The following EMID1 variants were observed in gnomAD, a reference collection of about 807,000 sequenced individuals.
EMID1 encodes the protein EMI domain-containing protein 1.
A neutral mutation model predicts 60.6 loss-of-function variants in EMID1; 40 were observed. The ratio of observed to expected loss-of-function variants is 0.66; its 90% CI spans 0.51 to 0.86. The LOEUF is 0.86. EMID1 is among the 40% of genes least tolerant of loss of function. The probability of loss-of-function intolerance (pLI) is 0.00; values close to 1 mark genes in which losing one functional copy is unlikely to be tolerated. For synonymous variants in EMID1, 242 were observed against 231.0 expected (o/e 1.05, Z -0.43); for missense variants, 585 against 597.1 (o/e 0.98, Z 0.21).
intron 12 of EMID1, among the ~76,000 whole-genome samples, chr22:29,236,263 G>C (rs180732546): frequency 6.6e-6 from 1 of 152,272 alleles, no homozygotes; most frequent in East Asian, 1.9e-4. Context: ...GGACGTGGTA[G>C]TGTGCACCTG....
At chr22:29,243,384 T>C in intron 12 of EMID1, 61 bp from the exon 13 acceptor site, 1 of 1,553,596 alleles carries the variant, frequency 6.4e-7, no homozygotes, top group Middle Eastern at 1.7e-4. Context: ...CCCTCTTTTT[T>C]TCCCGTCCCT....
intron 13 of EMID1, among the ~76,000 whole-genome samples, chr22:29,250,769 A>G (rs1356476603): frequency 2.8e-5 from 1 of 36,104 alleles, no homozygotes; most frequent in Non-Finnish European, 6.1e-5. Context: ...TTTTTTTTTT[A>G]GTAGTAGTAG....
intron 9 of EMID1, 56 bp from the exon 10 acceptor site, chr22:29,233,558 G>A (rs2040832482): frequency 3.1e-6 from 5 of 1,604,648 alleles, no homozygotes; most frequent in Non-Finnish European, 3.4e-6. Flanking sequence ...AGCTGATGGG[G>A]CACTTCCTGA....
intron 12 of EMID1, among the ~76,000 whole-genome samples, chr22:29,235,397 T>G (rs1196385986): frequency 6.6e-6 from 1 of 151,928 alleles, no homozygotes; most frequent in East Asian, 1.9e-4. Flanking sequence ...GTCTTGCTGT[T>G]TAAAAACAGT....
At position 29,232,351 on chromosome 22, in the gene EMID1, C is replaced by G; in HGVS notation, c.772C>G (p.Pro258Ala). 1 of 1,606,154 alleles carries G rather than the reference C, an allele frequency of 6.2e-7. No individual in the cohort carries two copies. The highest frequency in any genetic ancestry group is 8.5e-7 in the Non-Finnish European group (1 of 1,176,962). ...TGGGCCACCAGGGCCTCCTGGCCCCCCTGGGCCCCCAGCCCCTGTTGGGCC... is the reference window on the plus strand; with the variant it reads ...TGGGCCACCAGGGCCTCCTGGCCCCGCTGGGCCCCCAGCCCCTGTTGGGCC... ...PPGPPGPPGP[P>A]GPPAPVGPPH... Residue 258 changes from proline (P) to alanine (A), a missense_variant, in exon 8 of 15, where the codon CCT (proline) becomes GCT (alanine). Pro to Ala is a conservative substitution (Grantham distance 27). Coordinates refer to ENST00000334018, the MANE Select transcript of EMID1 (RefSeq NM_133455.4).
At chr22:29,239,930 A>G (rs2041095193) in intron 12 of EMID1, among the ~76,000 whole-genome samples, 1 of 115,926 alleles carries the variant, frequency 8.6e-6, no homozygotes, top group African/African-American at 3.6e-5. Flanking sequence ...CAGCTAATCA[A>G]CCTCCCAAGC....
rs764864765 is a variant in EMID1, at chr22:29,258,849, G to A, written c.1237G>A (p.Gly413Ser). The change falls in exon 15 of 15, where the codon GGC becomes AGC. Residue 413 changes from glycine (G) to serine (S), a missense_variant. Physicochemically the swap from Gly to Ser is moderately conservative, Grantham distance 56. Transcript: ENST00000334018. ...GCTGGGGTCTGGGGCGGGCCCTGCC[G>A]GCACAGGCACCCCCAGCCTCCTTCG... is the stretch of plus-strand genomic sequence containing the variant. ...PELGSGAGPA[G>S]TGTPSLLRGK... 19 of 1,612,934 alleles carry A rather than the reference G, an allele frequency of 1.2e-5. No homozygotes were observed. Among genetic ancestry groups the A allele is most frequent in the Admixed American group, 1.0e-4 (6 of 59,972 alleles).
intron 14 of EMID1, 85 bp downstream of exon 14, chr22:29,254,372 A>G: frequency 1.5e-6 from 2 of 1,340,440 alleles, no homozygotes; most frequent in Non-Finnish European, 2.1e-6. Flanking sequence ...AACTGGCCTG[A>G]GCCCAGTCAT....
intron 5 of EMID1, among the ~76,000 whole-genome samples, chr22:29,227,203 A>C (rs1229113192): frequency 1.3e-5 from 2 of 152,148 alleles, no homozygotes; most frequent in Non-Finnish European, 2.9e-5. Flanking sequence ...TGATCCTCCC[A>C]CCTCAGCCTC....
At chr22:29,230,910 G>A in intron 5 of EMID1, 110 bp from the exon 6 acceptor site, 1 of 1,428,612 alleles carries the variant, frequency 7.0e-7, no homozygotes, top group East Asian at 2.5e-5. Context: ...AGCCGTCATA[G>A]TACTACTGCA....
chr22:29,206,351 C>T (rs970524403), intron 1 of EMID1, among the ~76,000 whole-genome samples: 11 of 152,214 alleles, frequency 7.2e-5, no homozygotes, highest in Non-Finnish European at 1.3e-4. Context: ...CTACTCCCTC[C>T]CTTTCAACCC....
At chr22:29,225,028 A>G (rs574709523) in intron 3 of EMID1, 105 bp from the exon 4 acceptor site, 2 of 1,162,550 alleles carry the variant, frequency 1.7e-6, no homozygotes, top group East Asian at 4.8e-5. Context: ...TCTGTGTCCT[A>G]CGCTGAGGGC....
chr22:29,212,466 G>A (rs147772612), intron 1 of EMID1, among the ~76,000 whole-genome samples: 7 of 152,088 alleles, frequency 4.6e-5, no homozygotes, highest in African/African-American at 1.7e-4. Context: ...GCAAGCTCTG[G>A]AGCCAGAGGG....
chr22:29,225,262 C>T (rs1359122729), intron 4 of EMID1, 46 bp downstream of exon 4: 60 of 1,600,520 alleles, frequency 3.7e-5, no homozygotes, highest in Non-Finnish European at 4.4e-5. Context: ...GCTGAGGGAG[C>T]CCTGGAGGGG....
At chr22:29,244,626 G>A (rs1254678843) in intron 13 of EMID1, among the ~76,000 whole-genome samples, 8 of 143,878 alleles carry the variant, frequency 5.6e-5, no homozygotes, top group African/African-American at 1.9e-4. Context: ...GCGACGGAAC[G>A]AGACTCTGTC....
At chr22:29,247,335 G>A (rs1216859840) in intron 13 of EMID1, among the ~76,000 whole-genome samples, 1 of 152,202 alleles carries the variant, frequency 6.6e-6, no homozygotes, top group African/African-American at 2.4e-5. Flanking sequence ...CCTGTAGATG[G>A]ACCAATTATT....
intron 14 of EMID1, chr22:29,255,233 C>G: frequency 7.8e-7 from 1 of 1,286,794 alleles, no homozygotes; most frequent in Non-Finnish European, 1.0e-6. Flanking sequence ...CCTCGGAGGC[C>G]AGACTCGCAC....
rs908028517 is a variant in EMID1 at position 29,209,971 on chromosome 22, T to C, written c.101+3832T>C. ...CCTCCTGCTACCCCTGGAAGGTGGA[T>C]AGAGGTGCAGGAGGGTGGCAGGGCC... On this transcript the variant is annotated intron_variant, in intron 1 of 14. Coordinates refer to ENST00000334018, the MANE Select transcript of EMID1 (RefSeq NM_133455.4). 3.3e-5 allele frequency among the ~76,000 whole-genome samples: 5 copies of C among 151,802 alleles called. No individual in the cohort carries two copies. In the South Asian group the frequency reaches 1.0e-3, roughly 32 times the overall value.
chr22:29,235,105 TG>T (rs1217681201), intron 12 of EMID1, among the ~76,000 whole-genome samples: 1 of 152,074 alleles, frequency 6.6e-6, no homozygotes, highest in Non-Finnish European at 1.5e-5. Context: ...CCTAGCACTT[TG>T]GGGGGCTGAG....
Sources: gnomAD v4.1 joint callset for allele counts (sites outside exome capture counted in the v4.1 genomes callset) on GRCh38, gnomAD v4.1.1 for gene constraint, MANE v1.5 for transcripts, NCBI Gene and HGNC (gene_info 2026-07-23, HGNC 2026-07-21) for gene names.